Variants in CIT observed in about 807,000 individuals in gnomAD.
CIT encodes citron Rho-interacting kinase.
CIT carries 79 observed loss-of-function variants against 272.7 expected under a neutral mutation model. The ratio of observed to expected loss-of-function variants is 0.29; its 90% CI spans 0.24 to 0.35. The LOEUF is 0.35. Among genes scored for constraint, CIT ranks in the 10% least tolerant of loss-of-function variants. The pLI is 1.00. For missense variants in CIT, 1,909 were observed against 2,618.3 expected (o/e 0.73, Z 5.91); for synonymous variants, 948 against 995.6 (o/e 0.95, Z 0.90).
intron 32 of CIT, among the ~76,000 whole-genome samples, chr12:119,717,126 C>T (rs1289817523): frequency 2.0e-5 from 3 of 152,224 alleles, no homozygotes; most frequent in African/African-American, 7.2e-5. Flanking sequence ...TATCTTGGCT[C>T]ACTGCAACCT....
At chr12:119,775,379 G>A (rs1963647809) in intron 16 of CIT, among the ~76,000 whole-genome samples, 2 of 152,120 alleles carry the variant, frequency 1.3e-5, no homozygotes, top group South Asian at 2.1e-4. Context: ...TCCCAATCAC[G>A]TGACAACCCC....
chr12:119,787,214 CTCAGTCTCCCAAAG>C (rs1964865128), intron 10 of CIT, among the ~76,000 whole-genome samples: 1 of 152,052 alleles, frequency 6.6e-6, no homozygotes, highest in Non-Finnish European at 1.5e-5. Flanking sequence ...ATCCGCCCGC[CTCAGTCTCCCAAAG>C]TGCTGGGATT....
chr12:119,749,193 C>T (rs897432171), intron 23 of CIT, among the ~76,000 whole-genome samples: 1 of 152,196 alleles, frequency 6.6e-6, no homozygotes, highest in African/African-American at 2.4e-5. Flanking sequence ...AAGGTAACTG[C>T]TCCCTTTCAC....
In CIT at chr12:119,714,281, T is replaced by C. The variant is rs779513217; in HGVS notation, c.4222A>G (p.Asn1408Asp). ...GTGGCTCGCATGTTCAGTCCTACGTTGAATCGGTGAGGAATATTGTGGTGC... is the reference window on the plus strand; with the variant it reads ...GTGGCTCGCATGTTCAGTCCTACGTCGAATCGGTGAGGAATATTGTGGTGC... The part of the protein sequence containing the change: ...RMHHNIPHRF[N>D]VGLNMRATKC... The change falls in exon 33 of 48, where the codon AAC becomes GAC. Residue 1408 changes from asparagine (N) to aspartate (D), a missense_variant. Physicochemically the swap from Asn to Asp is conservative, Grantham distance 23. This residue lies in a region of CIT where 780 missense variants were observed against 1,067.2 expected (regional missense o/e 0.73). Transcript: ENST00000392521. 1.9e-6 allele frequency: 3 copies of C among 1,614,136 alleles called. No homozygotes were observed. In the Admixed American group the frequency reaches 5.0e-5, roughly 27 times the overall value.
chr12:119,805,380 TAA>T (rs1162914324), intron 9 of CIT, among the ~76,000 whole-genome samples: 7 of 152,234 alleles, frequency 4.6e-5, no homozygotes, highest in African/African-American at 1.7e-4. Flanking sequence ...ATAATCCATA[TAA>T]AAGTGTTTAC....
chr12:119,750,792 GATAGAGAT>G (rs1001006870), intron 23 of CIT, among the ~76,000 whole-genome samples: 12 of 140,506 alleles, frequency 8.5e-5, no homozygotes, highest in African/African-American at 2.9e-4. Flanking sequence ...TAGATAGATA[GATAGAGAT>G]ATAGAGATGT....
chr12:119,858,911 T>G (rs1418982007), intron 3 of CIT, among the ~76,000 whole-genome samples: 1 of 152,184 alleles, frequency 6.6e-6, no homozygotes, highest in Non-Finnish European at 1.5e-5. Flanking sequence ...GCTGACATAC[T>G]ACATGTCCAA....
chr12:119,734,241 G>C lies in CIT; in HGVS notation c.3273C>G (p.Val1091=). Reference sequence around the variant, plus strand: ...CAAACTGGGATTTCTCATCACCCAGGACGCTCCTCCAGGCCTCCCACTGCC... The same window carrying C: ...CAAACTGGGATTTCTCATCACCCAGCACGCTCCTCCAGGCCTCCCACTGCC... ...KERQWEAWRS[V]LGDEKSQFEC... Residue 1091 remains valine, a synonymous_variant, in exon 26 of 48, where the codon GTC becomes GTG. Coordinates refer to ENST00000392521, the MANE Select transcript of CIT (RefSeq NM_001206999.2). The C allele has an allele frequency of 6.2e-7, 1 of 1,613,616 alleles. No homozygotes were observed. The highest frequency in any genetic ancestry group is 8.5e-7 in the Non-Finnish European group (1 of 1,179,922).
intron 7 of CIT, among the ~76,000 whole-genome samples, chr12:119,830,427 T>C (rs1327195403): frequency 6.6e-6 from 1 of 152,016 alleles, no homozygotes; most frequent in African/African-American, 2.4e-5. Context: ...CCGAAGAGAA[T>C]GACCCCAGAC....
At chr12:119,765,862 C>T (rs1039724969) in intron 19 of CIT, among the ~76,000 whole-genome samples, 6 of 152,068 alleles carry the variant, frequency 3.9e-5, no homozygotes, top group Admixed American at 2.6e-4. Flanking sequence ...AAAAATCGAG[C>T]TGTCACATGA....
At chr12:119,851,106 A>T (rs943614493) in intron 4 of CIT, among the ~76,000 whole-genome samples, 3 of 152,142 alleles carry the variant, frequency 2.0e-5, no homozygotes, top group Non-Finnish European at 2.9e-5. Flanking sequence ...TTTTGTAGAG[A>T]CAGAGTCTCT....
rs572446575 is a variant in CIT at position 119,785,175 on chromosome 12, G to A, written c.1296-110C>T. 131 of 1,191,340 alleles carry A rather than the reference G, an allele frequency of 1.1e-4. No individual in the cohort carries two copies. The African/African-American group carries it at 2.0e-3, about 18-fold the overall frequency. The allele number at this position is 1,191,340 out of a possible 1,614,324, so 73.8% of individuals were successfully genotyped here. On this transcript the variant is annotated intron_variant, in intron 10 of 47. Transcript: ENST00000392521. ...TACAAAAACATCTCATGCTCTTGAT[G>A]TTAGGTCAAATAATGCCCCCTTCCC...
At chr12:119,733,628 T>C (rs934538242) in intron 26 of CIT, among the ~76,000 whole-genome samples, 1 of 151,990 alleles carries the variant, frequency 6.6e-6, no homozygotes, top group Non-Finnish European at 1.5e-5. Context: ...GGGGGCAATG[T>C]CTAGAGACAT....
chr12:119,750,895 G>A (rs1223091977), intron 23 of CIT, among the ~76,000 whole-genome samples: 1 of 151,994 alleles, frequency 6.6e-6, no homozygotes, highest in East Asian at 1.9e-4. Context: ...TCAAAGAGAG[G>A]TTTAGAGATG....
intron 2 of CIT, among the ~76,000 whole-genome samples, chr12:119,869,632 C>G (rs1463347236): frequency 6.6e-5 from 10 of 152,100 alleles, no homozygotes; most frequent in Admixed American, 5.9e-4. Flanking sequence ...TTTGAACAAC[C>G]TAGAGTAATA....
chr12:119,692,411 A>G (rs1238659644), intron 46 of CIT, among the ~76,000 whole-genome samples: 1 of 152,254 alleles, frequency 6.6e-6, no homozygotes, highest in Non-Finnish European at 1.5e-5. Context: ...TCTTTCTTCA[A>G]TTATTGGTCT....
Position 119,694,385 on chromosome 12 carries a change from A to G in CIT, c.5882+3274T>C, listed in dbSNP as rs545132968. On this transcript the variant is annotated intron_variant, in intron 46 of 47. Transcript: ENST00000392521. This position sits in a 1 kb window ranked among gnomAD's most constrained non-coding sequence, Gnocchi z 4.5. ...AAACCAATTAAGGTACAGCCCTGAT[A>G]AGGAAGGTTGTGCAGGCATCTGGGG... Among the ~76,000 whole-genome samples, 246 of 152,344 alleles carry G rather than the reference A, an allele frequency of 1.6e-3. 3 individuals carry two copies. Among genetic ancestry groups the G allele is most frequent in the African/African-American group, 5.8e-3 (243 of 41,568 alleles).
At chr12:119,825,672 C>T (rs898655393) in intron 7 of CIT, among the ~76,000 whole-genome samples, 1 of 152,168 alleles carries the variant, frequency 6.6e-6, no homozygotes, top group African/African-American at 2.4e-5. Context: ...GATGTCTTTC[C>T]TAATACAAGT....
chr12:119,804,378 A>AG lies in CIT; in HGVS notation c.1112-990dup. The AG allele has an allele frequency of 1.0e-6, 1 of 985,522 alleles. No individual in the cohort carries two copies. Among genetic ancestry groups the AG allele is most frequent in the African/African-American group, 1.7e-5 (1 of 57,362 alleles). The allele number at this position is 985,522 out of a possible 1,614,324, so 61.0% of individuals were successfully genotyped here. On this transcript the variant is annotated intron_variant, in intron 9 of 47. Coordinates refer to ENST00000392521, the MANE Select transcript of CIT (RefSeq NM_001206999.2). This position sits in a 1 kb window ranked among gnomAD's most constrained non-coding sequence, Gnocchi z 5.3. Reference sequence around the variant, plus strand: ...GGGCCAGCCAGGCGAGTTAGAGCCGAGCATCACATCCCCCGCAGTGCAGGC... The same window carrying AG: ...GGGCCAGCCAGGCGAGTTAGAGCCGAGGCATCACATCCCCCGCAGTGCAGGC...
Sources: allele counts gnomAD v4.1 joint callset (sites outside exome capture counted in the v4.1 genomes callset), GRCh38; gene constraint gnomAD v4.1.1; regional missense constraint gnomAD v4.1.1; non-coding constraint Gnocchi (gnomAD v3.1); transcripts MANE v1.5; gene names NCBI Gene and HGNC (gene_info 2026-07-23, HGNC 2026-07-21).